The following IFIH1 variants were observed in gnomAD, a reference collection of about 807,000 sequenced individuals.
IFIH1 encodes the protein interferon induced with helicase C domain 1.
In IFIH1, 125 loss-of-function variants were observed where a neutral mutation model predicts 107.4. That is an observed-to-expected ratio of 1.16 (90% CI 1.01 to 1.35). The LOEUF (loss-of-function observed/expected upper bound fraction) is 1.35. Among genes scored for constraint, IFIH1 ranks in the 40% most tolerant of loss-of-function variants. The pLI, the probability that IFIH1 is intolerant of heterozygous loss-of-function variation, is 0.00. For synonymous variants in IFIH1, 458 were observed against 413.2 expected (o/e 1.11, Z -1.31); for missense variants, 1,333 against 1,213.7 (o/e 1.10, Z -1.46).
intron 11 of IFIH1, 124 bp downstream of exon 11, chr2:162,276,563 C>T (rs1339186042): frequency 9.7e-7 from 1 of 1,035,154 alleles, no homozygotes; most frequent in Non-Finnish European, 1.4e-6. Flanking sequence ...CTTGATCATG[C>T]CACTGCTCTT....
chr2:162,273,716 G>T, intron 12 of IFIH1, 79 bp downstream of exon 12: 2 of 1,085,426 alleles, frequency 1.8e-6, no homozygotes, highest in Non-Finnish European at 2.6e-6. Flanking sequence ...TGTTTTTGCT[G>T]TTTAACTAAA....
At chr2:162,314,419 T>C (rs201714086) in intron 1 of IFIH1, among the ~76,000 whole-genome samples, 5,075 of 37,236 alleles carry the variant, frequency 0.14, 140 homozygotes, top group Non-Finnish European at 0.15. Context: ...TTCTTTCTTT[T>C]CTTTCTTTCT....
At chr2:162,304,744 C>T (rs564117959) in intron 3 of IFIH1, among the ~76,000 whole-genome samples, 13 of 152,056 alleles carry the variant, frequency 8.5e-5, no homozygotes, top group Non-Finnish European at 1.3e-4. Context: ...AACGAAATAC[C>T]ATTTTTAATA....
Position 162,277,397 on chromosome 2 carries a change from T to C in IFIH1, c.2044+18A>G, listed in dbSNP as rs960261296. 1.9e-6 allele frequency: 3 copies of C among 1,563,382 alleles called. No individual in the cohort carries two copies. Among genetic ancestry groups the C allele is most frequent in the Non-Finnish European group, 2.6e-6 (3 of 1,136,810 alleles). On this transcript the variant is annotated intron_variant, in intron 10 of 15. Coordinates refer to ENST00000649979, the MANE Select transcript of IFIH1 (RefSeq NM_022168.4). Reference sequence around the variant, plus strand: ...AAGGTAAATGAATGACACCAGTATATGTTACTTTGAATCTTACCAAAAAAT... The same window carrying C: ...AAGGTAAATGAATGACACCAGTATACGTTACTTTGAATCTTACCAAAAAAT...
chr2:162,278,107 C>A, intron 9 of IFIH1, 98 bp downstream of exon 9: 1 of 1,019,740 alleles, frequency 9.8e-7, no homozygotes, highest in Non-Finnish European at 1.5e-6. Flanking sequence ...TTTGGAACTA[C>A]TTTTGCTTTC....
Position 162,277,626 on chromosome 2 carries a change from T to G in IFIH1, c.1833A>C (p.Leu611=). The G allele has an allele frequency of 6.2e-7, 1 of 1,613,346 alleles. No homozygotes were observed. The highest frequency in any genetic ancestry group is 8.5e-7 in the Non-Finnish European group (1 of 1,179,478). Residue 611 remains leucine (L), a synonymous_variant, in exon 10 of 16, where the codon CTA becomes CTC. Coordinates refer to ENST00000649979, the MANE Select transcript of IFIH1 (RefSeq NM_022168.4). ...AEHLRKYNEA[L]QINDTIRMID... ...TCATTCGAATTGTGTCATTAATTTG[T>G]AGGGCCTCATTGTACTTCCTCAAAT...
chr2:162,298,372 G>C (rs1158672331), intron 3 of IFIH1, among the ~76,000 whole-genome samples: 1 of 152,140 alleles, frequency 6.6e-6, no homozygotes, highest in Non-Finnish European at 1.5e-5. Context: ...GAAACGCGAG[G>C]GGAAAGGGCC....
chr2:162,284,575 T>C (rs1455679427), intron 5 of IFIH1, among the ~76,000 whole-genome samples: 3 of 151,906 alleles, frequency 2.0e-5, no homozygotes, highest in African/African-American at 7.3e-5. Context: ...AAAGTTCGTG[T>C]CTCATTTCTG....
At chr2:162,301,708 A>T (rs1412244359) in intron 3 of IFIH1, among the ~76,000 whole-genome samples, 1 of 152,236 alleles carries the variant, frequency 6.6e-6, no homozygotes, top group African/African-American at 2.4e-5. Flanking sequence ...ATAGAAGTCA[A>T]TTATTTGCTA....
chr2:162,277,403 T>C lies in IFIH1; in HGVS notation c.2044+12A>G, dbSNP rs753016883. On this transcript the variant is annotated intron_variant, in intron 10 of 15. Transcript: ENST00000649979. ...AATGAATGACACCAGTATATGTTAC[T>C]TTGAATCTTACCAAAAAATAAAGTC... 1.7e-5 allele frequency: 27 copies of C among 1,592,606 alleles called. No homozygotes were observed. In the South Asian group the frequency reaches 3.0e-4, roughly 18 times the overall value.
chr2:162,307,966 C>T (rs926850789), intron 2 of IFIH1, among the ~76,000 whole-genome samples: 10 of 152,098 alleles, frequency 6.6e-5, no homozygotes, highest in African/African-American at 9.7e-5. Flanking sequence ...CTCCATTTTA[C>T]TGAGGAGTAA....
chr2:162,281,606 C>T (rs570214183), intron 6 of IFIH1, 61 bp from the exon 7 acceptor site: 5 of 1,255,866 alleles, frequency 4.0e-6, no homozygotes, highest in African/African-American at 3.0e-5. Flanking sequence ...GAGAAAATAG[C>T]TTTAGACCAG....
chr2:162,311,350 A>T (rs1483812972), intron 1 of IFIH1, among the ~76,000 whole-genome samples: 1 of 152,118 alleles, frequency 6.6e-6, no homozygotes, highest in African/African-American at 2.4e-5. Flanking sequence ...TATTTTTTCA[A>T]TCTATGGAGT....
rs745474856 is a variant in IFIH1 at position 162,277,432 on chromosome 2, A to T, written c.2027T>A (p.Leu676His). 1.1e-5 allele frequency: 18 copies of T among 1,608,644 alleles called. No individual in the cohort carries two copies. In the Middle Eastern group the frequency reaches 5.0e-4, roughly 44 times the overall value. ...PLKLDETDRF[L>H]MTLFFENNKM... Reference sequence around the variant, plus strand: ...AATCTTACCAAAAAATAAAGTCATGAGAAATCTATCTGTTTCATCCAGTTT... The same window carrying T: ...AATCTTACCAAAAAATAAAGTCATGTGAAATCTATCTGTTTCATCCAGTTT... Residue 676 changes from leucine (L) to histidine (H), a missense_variant, in exon 10 of 16, where the codon CTC becomes CAC. By Grantham distance (99) the Leu-to-His change is moderately conservative (BLOSUM62 -3). Coordinates refer to ENST00000649979, the MANE Select transcript of IFIH1 (RefSeq NM_022168.4).
Position 162,267,266 on chromosome 2 carries a change from T to C in IFIH1, c.3012A>G (p.Val1004=), listed in dbSNP as rs771948095. The C allele has an allele frequency of 5.0e-6, 8 of 1,611,830 alleles. No individual in the cohort carries two copies. Among genetic ancestry groups the C allele is most frequent in the Non-Finnish European group, 6.8e-6 (8 of 1,179,402 alleles). ...NSTKKQYKKW[V]ELPITFPNLD... ...GATTGGGAAATGTGATAGGTAATTC[T>C]ACCCACTTTTTGTATTGTTTCTTTG... Residue 1004 remains valine (V), a synonymous_variant, in exon 16 of 16, where the codon GTA becomes GTG. Coordinates refer to ENST00000649979, the MANE Select transcript of IFIH1 (RefSeq NM_022168.4).
chr2:162,300,287 T>C (rs1272289222), intron 3 of IFIH1, among the ~76,000 whole-genome samples: 6 of 152,226 alleles, frequency 3.9e-5, no homozygotes, highest in Non-Finnish European at 4.4e-5. Flanking sequence ...GAAGATCTGA[T>C]AGTCAAAATT....
intron 4 of IFIH1, among the ~76,000 whole-genome samples, chr2:162,292,414 G>C (rs1229761220): frequency 6.6e-6 from 1 of 151,786 alleles, no homozygotes; most frequent in Non-Finnish European, 1.5e-5. Context: ...ATGACATTTG[G>C]TGAATTGGGT....
At chr2:162,278,388 CTT>C in intron 8 of IFIH1, 60 bp from the exon 9 acceptor site, 1 of 878,516 alleles carries the variant, frequency 1.1e-6, no homozygotes, top group Non-Finnish European at 1.7e-6. Context: ...ATAACATTAT[CTT>C]TGTTAGAATA....
intron 5 of IFIH1, among the ~76,000 whole-genome samples, chr2:162,286,866 T>C (rs543310006): frequency 6.6e-6 from 1 of 152,086 alleles, no homozygotes; most frequent in South Asian, 2.1e-4. Flanking sequence ...AGGCCATATA[T>C]AATCCAATTG....
Sources: allele counts gnomAD v4.1 joint callset (sites outside exome capture counted in the v4.1 genomes callset), GRCh38; gene constraint gnomAD v4.1.1; transcripts MANE v1.5; gene names NCBI Gene and HGNC (gene_info 2026-07-23, HGNC 2026-07-21).